The following PCBD2 variants were observed in gnomAD, a reference collection of about 807,000 sequenced individuals.
PCBD2 encodes the protein pterin-4-alpha-carbinolamine dehydratase 2.
Under a neutral mutation model 16.4 loss-of-function variants are expected in PCBD2, and 12 were observed. The ratio of observed to expected loss-of-function variants is 0.73; its 90% CI spans 0.47 to 1.19. The LOEUF is 1.19. Among genes scored for constraint, PCBD2 ranks in the 50% most tolerant of loss-of-function variants. PCBD2 has a pLI of 0.00. For synonymous variants in PCBD2, 58 were observed against 61.8 expected (o/e 0.94, Z 0.29); for missense variants, 138 against 156.8 (o/e 0.88, Z 0.64).
intron 2 of PCBD2, chr5:134,925,256 A>T (rs1171340929): frequency 1.0e-5 from 4 of 398,346 alleles, no homozygotes; most frequent in Non-Finnish European, 1.3e-5. Flanking sequence ...TTTGTGTATG[A>T]TATGTTTGCG....
At chr5:134,957,712 C>T (rs921058463) in intron 2 of PCBD2, among the ~76,000 whole-genome samples, 5 of 152,160 alleles carry the variant, frequency 3.3e-5, no homozygotes, top group Admixed American at 6.5e-5. Flanking sequence ...AAAAAACAGG[C>T]TTTTGTCCCT....
intron 2 of PCBD2, among the ~76,000 whole-genome samples, chr5:134,920,946 G>A (rs1037717323): frequency 3.9e-5 from 6 of 152,238 alleles, no homozygotes; most frequent in East Asian, 1.9e-4. Context: ...GAATACAGGC[G>A]TTGAGCCCAG....
intron 2 of PCBD2, among the ~76,000 whole-genome samples, chr5:134,946,974 C>CA (rs1207736257): frequency 2.0e-5 from 3 of 151,952 alleles, no homozygotes; most frequent in Admixed American, 1.3e-4. Flanking sequence ...AGTTTTATGT[C>CA]ATATATAAAC....
At chr5:134,914,961 C>G (rs955274679) in intron 2 of PCBD2, among the ~76,000 whole-genome samples, 1 of 152,214 alleles carries the variant, frequency 6.6e-6, no homozygotes, top group Non-Finnish European at 1.5e-5. Flanking sequence ...GCATGAGCCA[C>G]TGCACCCAGT....
intron 2 of PCBD2, among the ~76,000 whole-genome samples, chr5:134,911,557 T>C (rs902786082): frequency 6.6e-6 from 1 of 152,266 alleles, no homozygotes; most frequent in Non-Finnish European, 1.5e-5. Context: ...AATAACTCTC[T>C]ATTGTACCCA....
At chr5:134,913,727 C>T (rs528189175) in intron 2 of PCBD2, among the ~76,000 whole-genome samples, 20 of 152,078 alleles carry the variant, frequency 1.3e-4, no homozygotes, top group Middle Eastern at 3.4e-3. Context: ...ATGTCTAGAC[C>T]GGGGATGATG....
rs74704272 is a variant in PCBD2 at position 134,921,570 on chromosome 5, G to A, written c.216+11104G>A. On this transcript the variant is annotated intron_variant, in intron 2 of 3. Coordinates refer to ENST00000254908, the MANE Select transcript of PCBD2 (RefSeq NM_032151.5). ...CAGAGTACAGGGGGGTTCCTGTGGC[G>A]TACTCTCCTGGGGTAGCTTTCCCAC... Among the ~76,000 whole-genome samples, 7 of 152,176 alleles carry A rather than the reference G, an allele frequency of 4.6e-5. No homozygotes were observed. The East Asian group carries it at 1.2e-3, about 25-fold the overall frequency.
At chr5:134,931,973 G>A (rs981088539) in intron 2 of PCBD2, among the ~76,000 whole-genome samples, 1 of 152,172 alleles carries the variant, frequency 6.6e-6, no homozygotes, top group African/African-American at 2.4e-5. Context: ...TTCTAAGTCT[G>A]TTACAGATTG....
At chr5:134,959,566 C>G (rs1020653861) in intron 3 of PCBD2, among the ~76,000 whole-genome samples, 4 of 152,118 alleles carry the variant, frequency 2.6e-5, no homozygotes, top group African/African-American at 4.8e-5. Context: ...AGACAAAGGA[C>G]AGACTAAAAA....
At chr5:134,915,991 TG>T (rs1437713372) in intron 2 of PCBD2, among the ~76,000 whole-genome samples, 1 of 151,988 alleles carries the variant, frequency 6.6e-6, no homozygotes, top group Non-Finnish European at 1.5e-5. Flanking sequence ...GGTGTCATAT[TG>T]GAAAAAAATT....
chr5:134,923,999 T>C lies in PCBD2; in HGVS notation c.216+13533T>C, dbSNP rs572002710. 44 of 394,830 alleles carry C rather than the reference T, an allele frequency of 1.1e-4. 1 individual carries two copies. The highest frequency in any genetic ancestry group is 6.4e-4 in the African/African-American group (31 of 48,642). 24.5% of individuals were successfully genotyped at this position (394,830 alleles called of 1,614,324 possible). A position where few individuals can be genotyped will look rare whatever the true frequency, so the allele number is the denominator to read the frequency against. ...TGGATGGGGTGGGGAGGTCGATAAA[T>C]GAGCGGTTAATTAATTTTATCAAGG... On this transcript the variant is annotated intron_variant, in intron 2 of 3. Transcript: ENST00000254908.
chr5:134,939,051 G>A (rs1199678027), intron 2 of PCBD2, among the ~76,000 whole-genome samples: 2 of 152,004 alleles, frequency 1.3e-5, no homozygotes, highest in African/African-American at 4.8e-5. Flanking sequence ...TTTCTTAAAT[G>A]TATTATTATA....
intron 2 of PCBD2, among the ~76,000 whole-genome samples, chr5:134,920,659 CTTT>C (rs36005222): frequency 7.1e-6 from 1 of 140,118 alleles, no homozygotes; most frequent in Non-Finnish European, 1.6e-5. Context: ...AGGATGGAGG[CTTT>C]TTTTTTTTTT....
intron 2 of PCBD2, among the ~76,000 whole-genome samples, chr5:134,911,025 C>T (rs563741797): frequency 1.2e-4 from 19 of 152,262 alleles, no homozygotes; most frequent in South Asian, 2.1e-4. Context: ...TGGCCTCAAG[C>T]GATCCTCCTG....
chr5:134,908,590 G>A (rs1487464557), intron 1 of PCBD2, among the ~76,000 whole-genome samples: 7 of 151,424 alleles, frequency 4.6e-5, no homozygotes, highest in Middle Eastern at 3.4e-3. Flanking sequence ...GCTTGAACCT[G>A]GGAGGCAGAG....
chr5:134,935,724 T>C (rs946127758), intron 2 of PCBD2, among the ~76,000 whole-genome samples: 1 of 152,256 alleles, frequency 6.6e-6, no homozygotes, highest in African/African-American at 2.4e-5. Flanking sequence ...TTTTAAAACA[T>C]GTTAAAAAAT....
rs557562649 is a variant in PCBD2, at chr5:134,960,357, T to G, written c.298-229T>G. On this transcript the variant is annotated intron_variant, in intron 3 of 3. Transcript: ENST00000254908. ...GCATTGCCTCTTCATGGAAGAGAACTTTTTATTTCAAGGTGGCTGTTGAGC... is the reference window on the plus strand; with the variant it reads ...GCATTGCCTCTTCATGGAAGAGAACGTTTTATTTCAAGGTGGCTGTTGAGC... Among the ~76,000 whole-genome samples, 65 of 152,302 alleles carry G rather than the reference T, an allele frequency of 4.3e-4. 1 individual carries two copies. Among genetic ancestry groups the G allele is most frequent in the Admixed American group, 3.9e-4 (6 of 15,298 alleles).
chr5:134,913,090 A>T (rs1750787390), intron 2 of PCBD2, among the ~76,000 whole-genome samples: 2 of 152,196 alleles, frequency 1.3e-5, no homozygotes, highest in Non-Finnish European at 2.9e-5. Flanking sequence ...GGTTACATTT[A>T]AAAAAATTTT....
rs78218255 is a variant in PCBD2, at chr5:134,932,244, C to T, written c.216+21778C>T. 8.5e-3 allele frequency among the ~76,000 whole-genome samples: 1,289 copies of T among 152,140 alleles called. 10 individuals are homozygous for T. Among genetic ancestry groups the T allele is most frequent in the Middle Eastern group, 0.037 (11 of 294 alleles). On this transcript the variant is annotated intron_variant, in intron 2 of 3. Transcript: ENST00000254908. ...TTAGATTGGAGTGCAGCGACGTGAT[C>T]GTAGCTTACTGTAGCCTCAAATTAC...
Sources: allele counts gnomAD v4.1 joint callset (sites outside exome capture counted in the v4.1 genomes callset), GRCh38; gene constraint gnomAD v4.1.1; transcripts MANE v1.5; gene names NCBI Gene and HGNC (gene_info 2026-07-23, HGNC 2026-07-21).